USH2A: variants seen among roughly 807,000 people sequenced by gnomAD.
USH2A encodes Usher syndrome 2A (autosomal recessive, mild).
In USH2A, 443 loss-of-function variants were observed where a neutral mutation model predicts 538.9. That is an observed-to-expected ratio of 0.82 (90% CI 0.76 to 0.89). The LOEUF is 0.89. USH2A is among the 40% of genes least tolerant of loss of function. The probability of loss-of-function intolerance (pLI) is 0.00; values close to 1 mark genes in which losing one functional copy is unlikely to be tolerated. For missense variants in USH2A, 6,633 were observed against 6,324.8 expected (o/e 1.05, Z -1.65); for synonymous variants, 2,413 against 2,273.5 (o/e 1.06, Z -1.75).
At chr1:216,165,154 T>A (rs2034140807) in intron 21 of USH2A, among the ~76,000 whole-genome samples, 2 of 152,204 alleles carry the variant, frequency 1.3e-5, no homozygotes, top group Admixed American at 6.6e-5. Flanking sequence ...CTGTTGTTTT[T>A]AAAGCACTTT....
chr1:216,280,420 A>G (rs564172039), intron 11 of USH2A, among the ~76,000 whole-genome samples: 7 of 152,276 alleles, frequency 4.6e-5, no homozygotes, highest in African/African-American at 1.7e-4. Context: ...AAGGAAAAAT[A>G]CACAGACTTA....
chr1:215,897,955 C>T (rs1162089794), intron 40 of USH2A, among the ~76,000 whole-genome samples: 1 of 152,094 alleles, frequency 6.6e-6, no homozygotes, highest in African/African-American at 2.4e-5. Flanking sequence ...ACTGCTTGTG[C>T]CCAATGCCAA....
At chr1:215,791,308 A>T (rs1243982898) in intron 50 of USH2A, among the ~76,000 whole-genome samples, 1 of 152,218 alleles carries the variant, frequency 6.6e-6, no homozygotes, top group Non-Finnish European at 1.5e-5. Flanking sequence ...GTTTATTATT[A>T]GTTCCGACTG....
intron 50 of USH2A, among the ~76,000 whole-genome samples, chr1:215,798,434 T>A (rs189509029): frequency 6.6e-6 from 1 of 152,164 alleles, no homozygotes; most frequent in Non-Finnish European, 1.5e-5. Context: ...GTACCTATCA[T>A]GTAAGATTAT....
chr1:216,002,811 G>A (rs1272192766), intron 32 of USH2A, among the ~76,000 whole-genome samples: 6 of 152,230 alleles, frequency 3.9e-5, no homozygotes, highest in Admixed American at 6.5e-5. Flanking sequence ...GCTTGCTTGC[G>A]TATGTTTCCA....
chr1:216,384,189 T>C (rs921085017), intron 3 of USH2A, among the ~76,000 whole-genome samples: 2 of 151,522 alleles, frequency 1.3e-5, no homozygotes, highest in Non-Finnish European at 2.9e-5. Context: ...GAACTTAAAG[T>C]AGAATAAAAA....
chr1:216,278,724 G>C (rs1385356950), intron 11 of USH2A, among the ~76,000 whole-genome samples: 1 of 152,004 alleles, frequency 6.6e-6, no homozygotes, highest in Non-Finnish European at 1.5e-5. Context: ...TTTTCTATTT[G>C]TACACTTTAA....
Position 216,070,281 on chromosome 1 carries a change from C to A in USH2A, c.5869G>T (p.Val1957Leu). The A allele has an allele frequency of 6.2e-7, 1 of 1,613,900 alleles. No individual in the cohort carries two copies. Among genetic ancestry groups the A allele is most frequent in the Non-Finnish European group, 8.5e-7 (1 of 1,179,852 alleles). ...CTGCGGACTCTTGAGGGAGTTGGCA[C>A]ACTTTGTGGAGCTGTGAAGGAATAA... is the stretch of plus-strand genomic sequence containing the variant. ...GRTTGAAPQS[V>L]PTPSRVRSLN... is the part of the protein sequence containing the mutation. The change falls in exon 30 of 72, where the codon GTG (valine) becomes TTG (leucine). Residue 1957 changes from valine (V) to leucine (L), a missense_variant. Physicochemically the swap from Val to Leu is conservative, Grantham distance 32. Coordinates refer to ENST00000307340, the MANE Select transcript of USH2A (RefSeq NM_206933.4).
rs778162193 is a variant in USH2A at position 215,671,005 on chromosome 1, G to A, written c.14100C>T (p.Ser4700=). 26 of 1,613,954 alleles carry A rather than the reference G, an allele frequency of 1.6e-5. No individual in the cohort carries two copies. Among genetic ancestry groups the A allele is most frequent in the South Asian group, 8.8e-5 (8 of 91,090 alleles). The change falls in exon 64 of 72, where the codon TCC becomes TCT. Residue 4700 remains serine (S), a synonymous_variant. Transcript: ENST00000307340. ...YNGSSTSFID[S]ELLPFTEYEY... ...CATACTCTGTGAAAGGCAATAGTTCGGAATCTATAAAAGATGTTGAGCTTC... is the reference window on the plus strand; with the variant it reads ...CATACTCTGTGAAAGGCAATAGTTCAGAATCTATAAAAGATGTTGAGCTTC...
intron 12 of USH2A, 38 bp from the exon 13 acceptor site, chr1:216,247,264 A>G (rs1191535087): frequency 1.2e-6 from 2 of 1,610,136 alleles, no homozygotes; most frequent in African/African-American, 2.7e-5. Context: ...AGGATGGGAA[A>G]ATGATTTCAT....
chr1:215,848,489 A>C (rs1184311957), intron 44 of USH2A, among the ~76,000 whole-genome samples: 1 of 152,172 alleles, frequency 6.6e-6, no homozygotes, highest in Admixed American at 6.5e-5. Flanking sequence ...CAAGATGAGC[A>C]AAGATCACAT....
At chr1:216,250,788 TCCAGCC>T (rs1409104737) in intron 12 of USH2A, 109 bp downstream of exon 12, 10 of 1,123,400 alleles carry the variant, frequency 8.9e-6, no homozygotes, top group African/African-American at 4.7e-5. Flanking sequence ...TGTTTTTTTT[TCCAGCC>T]TGTCTTGAGC....
rs1353283665 is a variant in USH2A at position 216,323,291 on chromosome 1, T to TAC, written c.1550+182_1550+183insGT. Among the ~76,000 whole-genome samples the TAC allele has an allele frequency of 9.1e-4, 134 of 147,180 alleles. 2 individuals carry two copies. Among genetic ancestry groups the TAC allele is most frequent in the Admixed American group, 9.1e-3 (133 of 14,636 alleles). ...AAAATACGTTTTATATATATATATA[T>TAC]ATATATATATAACAATGTTATATAG... On this transcript the variant is annotated intron_variant, in intron 8 of 71. Coordinates refer to ENST00000307340, the MANE Select transcript of USH2A (RefSeq NM_206933.4).
chr1:216,296,510 G>A (rs1039533969), intron 9 of USH2A, among the ~76,000 whole-genome samples: 17 of 151,984 alleles, frequency 1.1e-4, no homozygotes, highest in African/African-American at 4.1e-4. Flanking sequence ...TGCATTAGGA[G>A]CATGATAGAC....
chr1:216,038,349 T>C lies in USH2A; in HGVS notation c.6325+8082A>G, dbSNP rs545134454. Among the ~76,000 whole-genome samples, 6 of 152,192 alleles carry C rather than the reference T, an allele frequency of 3.9e-5. No homozygotes were observed. The East Asian group carries it at 1.2e-3, about 29-fold the overall frequency. On this transcript the variant is annotated intron_variant, in intron 32 of 71. Transcript: ENST00000307340. The stretch of plus-strand genomic sequence containing the variant: ...GCCCTGGTAGGGGCTTGTTTCAGAC[T>C]GATGTCTTAACTTTCTTACCACCTC...
At chr1:215,880,942 T>C (rs923813755) in intron 41 of USH2A, among the ~76,000 whole-genome samples, 1 of 152,102 alleles carries the variant, frequency 6.6e-6, no homozygotes, top group Non-Finnish European at 1.5e-5. Flanking sequence ...GTATAAGGTA[T>C]AAAAATACCA....
chr1:215,814,020 T>C, intron 48 of USH2A, 116 bp from the exon 49 acceptor site: 2 of 1,168,312 alleles, frequency 1.7e-6, no homozygotes, highest in Non-Finnish European at 2.5e-6. Flanking sequence ...GAGACCATAT[T>C]ACTCATATTT....
chr1:216,333,120 T>C (rs1312765245), intron 4 of USH2A, among the ~76,000 whole-genome samples: 4 of 151,874 alleles, frequency 2.6e-5, no homozygotes, highest in Non-Finnish European at 5.9e-5. Context: ...ACAATGATGC[T>C]TTAGACAATA....
chr1:215,904,696 A>C (rs1207182152), intron 38 of USH2A, among the ~76,000 whole-genome samples: 1 of 152,012 alleles, frequency 6.6e-6, no homozygotes, highest in Non-Finnish European at 1.5e-5. Context: ...CGGGGCAAAC[A>C]CTCCAAGACA....
Sources: gnomAD v4.1 joint callset for allele counts (sites outside exome capture counted in the v4.1 genomes callset) on GRCh38, gnomAD v4.1.1 for gene constraint, MANE v1.5 for transcripts, NCBI Gene and HGNC (gene_info 2026-07-23, HGNC 2026-07-21) for gene names.